SYNE2: variants seen among roughly 807,000 people sequenced by gnomAD.
SYNE2 encodes the protein spectrin repeat containing nuclear envelope protein 2, also known as nesprin-2.
In SYNE2, 431 loss-of-function variants were observed where a neutral mutation model predicts 856.3. The ratio of observed to expected loss-of-function variants is 0.50; its 90% CI spans 0.47 to 0.55. The LOEUF is 0.55. Among genes scored for constraint, SYNE2 ranks in the 20% least tolerant of loss-of-function variants. The pLI, the probability that SYNE2 is intolerant of heterozygous loss-of-function variation, is 0.00. For synonymous variants in SYNE2, 2,923 were observed against 2,872.3 expected (o/e 1.02, Z -0.56); for missense variants, 8,129 against 8,023.2 (o/e 1.01, Z -0.50).
chr14:63,845,919 T>C (rs1053586155), intron 1 of SYNE2, among the ~76,000 whole-genome samples: 9 of 151,866 alleles, frequency 5.9e-5, no homozygotes, highest in Admixed American at 2.0e-4. Context: ...TTTTTTTGTA[T>C]TATTAGTAAA....
intron 2 of SYNE2, among the ~76,000 whole-genome samples, chr14:63,913,557 A>T (rs12888712): frequency 2.7e-5 from 4 of 149,718 alleles, no homozygotes; most frequent in Admixed American, 1.3e-4. Flanking sequence ...CCGCCTCCAG[A>T]GTTCAAGTGA....
chr14:63,933,638 A>G (rs1391334349), intron 2 of SYNE2, among the ~76,000 whole-genome samples: 2 of 152,190 alleles, frequency 1.3e-5, no homozygotes, highest in African/African-American at 4.8e-5. Flanking sequence ...TTCCTACATT[A>G]TGTATATATA....
rs1595537450 is a variant in SYNE2, at chr14:64,102,911, T to C, written c.12492+869T>C. Among the ~76,000 whole-genome samples, 6 of 152,226 alleles carry C rather than the reference T, an allele frequency of 3.9e-5. No homozygotes were observed. In the South Asian group the frequency reaches 1.0e-3, roughly 26 times the overall value. On this transcript the variant is annotated intron_variant, in intron 64 of 115. Coordinates refer to ENST00000555002, the MANE Select transcript of SYNE2 (RefSeq NM_182914.3). Reference sequence around the variant, plus strand: ...AAGTGAGATCATACAGTATTTATCATTCTGTGCCTGGCTTATTTCATTTAA... The same window carrying C: ...AAGTGAGATCATACAGTATTTATCACTCTGTGCCTGGCTTATTTCATTTAA...
intron 32 of SYNE2, among the ~76,000 whole-genome samples, chr14:64,014,926 TC>T (rs2096875991): frequency 1.3e-5 from 1 of 77,162 alleles, no homozygotes; most frequent in Non-Finnish European, 2.8e-5. Context: ...GGTGTATAAT[TC>T]CTTATATATA....
intron 87 of SYNE2, among the ~76,000 whole-genome samples, chr14:64,159,972 T>C (rs1232839703): frequency 6.6e-6 from 1 of 152,032 alleles, no homozygotes; most frequent in Non-Finnish European, 1.5e-5. Flanking sequence ...TTTTGATGAG[T>C]GGGATATAAA....
intron 1 of SYNE2, among the ~76,000 whole-genome samples, chr14:63,873,083 T>C (rs1358031115): frequency 6.6e-6 from 1 of 152,206 alleles, no homozygotes; most frequent in Non-Finnish European, 1.5e-5. Flanking sequence ...TTTGTAGTTT[T>C]CTGGAAACAG....
intron 60 of SYNE2, 32 bp from the exon 61 acceptor site, chr14:64,093,317 A>G (rs754689036): frequency 6.2e-7 from 1 of 1,612,510 alleles, no homozygotes; most frequent in Non-Finnish European, 8.5e-7. Flanking sequence ...AGATTATGAC[A>G]AAGATTCTTT....
At position 64,049,728 on chromosome 14, in the gene SYNE2, C is replaced by G. The variant is rs781773222; in HGVS notation, c.7495C>G (p.Gln2499Glu). The change falls in exon 47 of 116, where the codon CAG becomes GAG. Residue 2499 changes from glutamine to glutamate, a missense_variant. Physicochemically the swap from Gln to Glu is conservative, Grantham distance 29 (BLOSUM62 2). This residue lies in a region of SYNE2 where 5,410 missense variants were observed against 5,284.8 expected (regional missense o/e 1.02). Transcript: ENST00000555002. ...TCTCCACAATATAGGATATTCGGCA[C>G]AGCATTTGGACAATTTGCTTCAGGC... ...LVLHNIGYSA[Q>E]HLDNLLQALI... The G allele has an allele frequency of 5.0e-6, 8 of 1,614,122 alleles. No individual in the cohort carries two copies. Among genetic ancestry groups the G allele is most frequent in the Middle Eastern group, 1.7e-4 (1 of 6,060 alleles).
At chr14:63,867,730 AGAAT>A (rs1053995612) in intron 1 of SYNE2, among the ~76,000 whole-genome samples, 7 of 151,632 alleles carry the variant, frequency 4.6e-5, no homozygotes, top group Admixed American at 6.6e-5. Flanking sequence ...AAAGAATGAA[AGAAT>A]GAAAGAAAGA....
chr14:64,133,205 CAA>C (rs34419403), intron 77 of SYNE2, among the ~76,000 whole-genome samples: 2 of 127,750 alleles, frequency 1.6e-5, no homozygotes, highest in African/African-American at 2.6e-5. Flanking sequence ...GACTCTGTCT[CAA>C]AAAAAAAAAG....
chr14:64,070,118 G>T (rs773808259), intron 51 of SYNE2, among the ~76,000 whole-genome samples: 2 of 152,156 alleles, frequency 1.3e-5, no homozygotes, highest in Non-Finnish European at 2.9e-5. Context: ...TGAGTTCTGT[G>T]TACACCACTA....
intron 1 of SYNE2, among the ~76,000 whole-genome samples, chr14:63,884,781 T>C (rs1003573829): frequency 2.6e-5 from 4 of 151,904 alleles, no homozygotes; most frequent in Admixed American, 6.6e-5. Flanking sequence ...TTAAATGCAG[T>C]TGATAGGAAG....
At chr14:64,014,928 CTTATATATATATATATATAT>C (rs1368871279) in intron 32 of SYNE2, among the ~76,000 whole-genome samples, 2 of 51,850 alleles carry the variant, frequency 3.9e-5, no homozygotes, top group Non-Finnish European at 7.8e-5. Flanking sequence ...TGTATAATTC[CTTATATATATATATATATAT>C]ATATATATAT....
chr14:63,838,123 G>A (rs888155869), intron 1 of SYNE2, among the ~76,000 whole-genome samples: 3 of 151,702 alleles, frequency 2.0e-5, no homozygotes, highest in South Asian at 2.1e-4. Flanking sequence ...TAATCCCAGC[G>A]CTTTGGGAGG....
At chr14:64,199,075 G>A (rs145857262) in intron 99 of SYNE2, among the ~76,000 whole-genome samples, 167 of 152,304 alleles carry the variant, frequency 1.1e-3, no homozygotes, top group African/African-American at 3.8e-3. Context: ...GAGGGGAAAC[G>A]TGGGCAGCAT....
chr14:64,096,726 G>A (rs2097680703), intron 61 of SYNE2, among the ~76,000 whole-genome samples: 1 of 152,214 alleles, frequency 6.6e-6, no homozygotes, highest in African/African-American at 2.4e-5. Flanking sequence ...GCTCTGCTGT[G>A]TGCTAGTTGC....
intron 43 of SYNE2, among the ~76,000 whole-genome samples, chr14:64,028,494 ATCC>A (rs771335330): frequency 1.8e-4 from 28 of 151,882 alleles, no homozygotes; most frequent in Non-Finnish European, 3.8e-4. Flanking sequence ...GCCTTATATA[ATCC>A]TCCTGCCTCA....
chr14:64,047,631 A>G (rs2097195647), intron 45 of SYNE2, among the ~76,000 whole-genome samples: 1 of 152,226 alleles, frequency 6.6e-6, no homozygotes, highest in African/African-American at 2.4e-5. Flanking sequence ...CACTTACTTT[A>G]AACTACCAGT....
chr14:64,182,453 G>A lies in SYNE2; in HGVS notation c.17557-3971G>A, dbSNP rs184844457. ...TTCTCGCAGAGGGGGATTTGGCACG[G>A]TCATAGGACAATAGTGGAGGGAAGG... On this transcript the variant is annotated intron_variant, in intron 96 of 115. Coordinates refer to ENST00000555002, the MANE Select transcript of SYNE2 (RefSeq NM_182914.3). Among the ~76,000 whole-genome samples, 226 of 152,138 alleles carry A rather than the reference G, an allele frequency of 1.5e-3. 1 individual carries two copies. The highest frequency in any genetic ancestry group is 5.2e-3 in the Admixed American group (80 of 15,276).
Sources: allele counts gnomAD v4.1 joint callset (sites outside exome capture counted in the v4.1 genomes callset), GRCh38; gene constraint gnomAD v4.1.1; regional missense constraint gnomAD v4.1.1; transcripts MANE v1.5; gene names NCBI Gene and HGNC (gene_info 2026-07-23, HGNC 2026-07-21).